The following SMARCAD1 variants were observed in gnomAD, a reference collection of about 807,000 sequenced individuals.
SMARCAD1 encodes the protein SWI/SNF-related matrix-associated actin-dependent regulator of chromatin subfamily A containing DEAD/H box 1.
SMARCAD1 carries 25 observed loss-of-function variants against 127.1 expected under a neutral mutation model. The observed-to-expected ratio is 0.20, with a 90% CI of 0.14 to 0.27. The LOEUF is 0.27. SMARCAD1 is among the 10% of genes least tolerant of loss of function. The pLI is 1.00. For synonymous variants in SMARCAD1, 400 were observed against 396.9 expected, an observed-to-expected ratio of 1.01 and a Z score of -0.09; for missense variants, 807 against 1,206.0, an observed-to-expected ratio of 0.67 and a Z score of 4.90.
At chr4:94,247,741 C>T (rs1302630459) in intron 6 of SMARCAD1, among the ~76,000 whole-genome samples, 1 of 152,130 alleles carries the variant, frequency 6.6e-6, no homozygotes, top group East Asian at 1.9e-4. Context: ...TCTGGATTTA[C>T]CTATTCTGAA....
In SMARCAD1 at chr4:94,213,297, A is replaced by G. The variant is rs185133206; in HGVS notation, c.190+4713A>G. 1.8e-4 allele frequency: 62 copies of G among 348,786 alleles called. No homozygotes were observed. The East Asian group carries it at 4.4e-3, about 25-fold the overall frequency. 21.6% of individuals were successfully genotyped at this position (348,786 alleles called of 1,614,324 possible). ...GGGAGGATCACAAAAAGTCACAGAG[A>G]TATGACCTTTGGAGTGGACTCTAAA... On this transcript the variant is annotated intron_variant, in intron 2 of 23. Coordinates refer to ENST00000354268, the MANE Select transcript of SMARCAD1 (RefSeq NM_020159.5).
intron 5 of SMARCAD1, among the ~76,000 whole-genome samples, chr4:94,239,335 G>T (rs1461169121): frequency 6.9e-6 from 1 of 144,740 alleles, no homozygotes; most frequent in African/African-American, 2.6e-5. Flanking sequence ...CAGAAATTGT[G>T]ACAGTTCCCA....
At chr4:94,277,308 G>A (rs1261553603) in intron 16 of SMARCAD1, 149 bp downstream of exon 16, 1 of 881,172 alleles carries the variant, frequency 1.1e-6, no homozygotes, top group Non-Finnish European at 1.8e-6. Context: ...GGATTGGTTT[G>A]GAAACCAGCC....
At chr4:94,223,728 C>T (rs1307450997) in intron 2 of SMARCAD1, among the ~76,000 whole-genome samples, 11 of 135,118 alleles carry the variant, frequency 8.1e-5, no homozygotes, top group Admixed American at 3.3e-4. Flanking sequence ...CCACCACTCC[C>T]GGCTAATTTT....
chr4:94,242,427 T>G (rs137958578), intron 6 of SMARCAD1, among the ~76,000 whole-genome samples: 83 of 152,240 alleles, frequency 5.5e-4, no homozygotes, highest in South Asian at 4.1e-3. Flanking sequence ...TTTTTAAGTC[T>G]TCTTTTTAGC....
chr4:94,212,172 TTTATTTA>T (rs1054702355), intron 2 of SMARCAD1, among the ~76,000 whole-genome samples: 3 of 152,148 alleles, frequency 2.0e-5, no homozygotes, highest in Non-Finnish European at 4.4e-5. Context: ...TTTTTTAAAA[TTTATTTA>T]TTATTTATTT....
intron 9 of SMARCAD1, chr4:94,264,397 C>G (rs1751436571): frequency 4.4e-6 from 1 of 229,012 alleles, no homozygotes. Flanking sequence ...GTAACAATTA[C>G]TTGTGAATGT....
intron 10 of SMARCAD1, 114 bp downstream of exon 10, chr4:94,265,020 C>CTGGGGGTTCTCT: frequency 2.9e-6 from 3 of 1,027,948 alleles, no homozygotes; most frequent in Non-Finnish European, 4.3e-6. Flanking sequence ...AGGAGAGAAC[C>CTGGGGGTTCTCT]CCCAGGTTTT....
At chr4:94,236,578 C>A (rs984790156) in intron 4 of SMARCAD1, among the ~76,000 whole-genome samples, 4 of 152,002 alleles carry the variant, frequency 2.6e-5, no homozygotes, top group Non-Finnish European at 1.5e-5. Flanking sequence ...CTGACACACA[C>A]ACATACACAA....
Position 94,278,607 on chromosome 4 carries a change from C to G in SMARCAD1, c.2179-9C>G. ...GAATGATTATCTTAAACTGTTTTTT[C>G]TGTCTCAGGTTCTCAAGCAGTTACC... On this transcript the variant is annotated splice_polypyrimidine_tract_variant and intron_variant, in intron 17 of 23. Coordinates refer to ENST00000354268, the MANE Select transcript of SMARCAD1 (RefSeq NM_020159.5). 2 of 1,612,968 alleles carry G rather than the reference C, an allele frequency of 1.2e-6. No homozygotes were observed. Among genetic ancestry groups the G allele is most frequent in the Non-Finnish European group, 1.7e-6 (2 of 1,179,536 alleles).
chr4:94,262,496 C>T (rs1232914670), intron 9 of SMARCAD1, among the ~76,000 whole-genome samples: 3 of 152,160 alleles, frequency 2.0e-5, no homozygotes, highest in African/African-American at 4.8e-5. Context: ...TCACATTACT[C>T]TCATAGAGTT....
upstream of SMARCAD1, chr4:94,207,685 A>AT (rs754647071): frequency 2.1e-3 from 328 of 153,432 alleles, no homozygotes; most frequent in Middle Eastern, 3.4e-3. Flanking sequence ...ACGCTAGGAA[A>AT]TTTTTTTTTT....
At chr4:94,212,839 A>G (rs1388352524) in intron 2 of SMARCAD1, among the ~76,000 whole-genome samples, 4 of 152,056 alleles carry the variant, frequency 2.6e-5, no homozygotes, top group Non-Finnish European at 5.9e-5. Context: ...TTCTTTGGCC[A>G]TGGTTGCTTG....
In SMARCAD1 at chr4:94,276,371, G is replaced by A. The variant is rs750514840; in HGVS notation, c.1841G>A (p.Arg614His). ...TGTGCGATCAGCAGTTCTGATGACC[G>A]TAGTCTGTTTCGACGGCTGAAACTT... The part of the protein sequence containing the change: ...YNCAISSSDD[R>H]SLFRRLKLNY... Residue 614 changes from arginine to histidine, a missense_variant, in exon 15 of 24, where the codon CGT becomes CAT. By Grantham distance (29) the Arg-to-His change is conservative. Coordinates refer to ENST00000354268, the MANE Select transcript of SMARCAD1 (RefSeq NM_020159.5). 3 of 1,613,930 alleles carry A rather than the reference G, an allele frequency of 1.9e-6. No homozygotes were observed. The highest frequency in any genetic ancestry group is 2.5e-6 in the Non-Finnish European group (3 of 1,179,990).
intron 9 of SMARCAD1, among the ~76,000 whole-genome samples, chr4:94,260,337 TTTTTA>T (rs1221612373): frequency 6.6e-6 from 1 of 152,142 alleles, no homozygotes; most frequent in Admixed American, 6.5e-5. Context: ...AAATTAATAC[TTTTTA>T]TTTTATTTTT....
intron 2 of SMARCAD1, among the ~76,000 whole-genome samples, chr4:94,221,403 T>G (rs954377305): frequency 6.6e-6 from 1 of 152,122 alleles, no homozygotes; most frequent in African/African-American, 2.4e-5. Context: ...TGCAAATAAC[T>G]CTAAGAAATT....
chr4:94,244,556 G>A (rs1277537406), intron 6 of SMARCAD1, among the ~76,000 whole-genome samples: 2 of 152,060 alleles, frequency 1.3e-5, no homozygotes, highest in Non-Finnish European at 2.9e-5. Context: ...GTGATATTTG[G>A]CACCAGTGCC....
intron 14 of SMARCAD1, among the ~76,000 whole-genome samples, chr4:94,275,214 G>A (rs1380964202): frequency 2.0e-5 from 3 of 152,032 alleles, no homozygotes; most frequent in South Asian, 2.1e-4. Flanking sequence ...GAAAAAAGTC[G>A]TCTTGTAATA....
intron 16 of SMARCAD1, 128 bp downstream of exon 16, chr4:94,277,287 A>G (rs566989524): frequency 6.4e-6 from 7 of 1,089,090 alleles, no homozygotes; most frequent in Admixed American, 1.9e-5. Context: ...GTAGGTGATA[A>G]CTCTATATTT....
Sources: gnomAD v4.1 joint callset for allele counts (sites outside exome capture counted in the v4.1 genomes callset) on GRCh38, gnomAD v4.1.1 for gene constraint, MANE v1.5 for transcripts, NCBI Gene and HGNC (gene_info 2026-07-23, HGNC 2026-07-21) for gene names.